Variants in OTOG observed in about 807,000 individuals in gnomAD.
OTOG encodes the protein otogelin.
Under a neutral mutation model 313.8 loss-of-function variants are expected in OTOG, and 296 were observed. That is an observed-to-expected ratio of 0.94 (90% CI 0.86 to 1.04). The LOEUF (loss-of-function observed/expected upper bound fraction) is 1.04, where lower values mean the gene tolerates loss of function less well. Ranked by LOEUF, OTOG falls within the 50% of genes least tolerant of loss-of-function variation. The pLI is 0.00. For missense variants in OTOG, 3,948 were observed against 3,840.1 expected (o/e 1.03, Z -0.74); for synonymous variants, 1,533 against 1,554.9 (o/e 0.99, Z 0.33).
Position 17,591,577 on chromosome 11 carries a change from C to G in OTOG, c.2995C>G (p.His999Asp). 6.4e-7 allele frequency: 1 copy of G among 1,550,634 alleles called. No homozygotes were observed. The highest frequency in any genetic ancestry group is 1.4e-5 in the African/African-American group (1 of 73,186). The change falls in exon 25 of 56, where the codon CAC becomes GAC. Residue 999 changes from histidine to aspartate, a missense_variant. By Grantham distance (81) the His-to-Asp change is moderately conservative (BLOSUM62 -1). Transcript: ENST00000399397. ...TGACTTCGTGGGGGCATGCAAAGTG[C>G]ACCTGGTCAAGGTGAGTTCCCGGAT... ...PFDFVGACKV[H>D]LVKSTSDVSF...
At chr11:17,609,255 T>C in intron 35 of OTOG, 46 bp downstream of exon 35, 1 of 1,502,670 alleles carries the variant, frequency 6.7e-7, no homozygotes, top group East Asian at 2.5e-5. Flanking sequence ...TTCCTCTAAG[T>C]CCCTAGGGTC....
Position 17,586,700 on chromosome 11 carries a change from G to A in OTOG, c.2867+119G>A, listed in dbSNP as rs776630831. ...CATTATGTTTGTATTCATGTTGTGC[G>A]TTTGTGTGTTGTGTGTGGTATAGGG... On this transcript the variant is annotated intron_variant, in intron 24 of 55. Coordinates refer to ENST00000399397, the MANE Select transcript of OTOG (RefSeq NM_001292063.2). 65 of 500,908 alleles carry A rather than the reference G, an allele frequency of 1.3e-4. 1 individual carries two copies. Among genetic ancestry groups the A allele is most frequent in the Middle Eastern group, 3.0e-4 (1 of 3,384 alleles). 31.0% of individuals were successfully genotyped at this position (500,908 alleles called of 1,614,324 possible).
Position 17,614,647 on chromosome 11 carries a change from G to C in OTOG, c.6528+946G>C, listed in dbSNP as rs578250139. ...CATTGCCCGCTGCCCCTATAGTTAT[G>C]CCTTTTCCAGAATGTCATATAAATT... On this transcript the variant is annotated intron_variant, in intron 39 of 55. Transcript: ENST00000399397. 5.3e-5 allele frequency among the ~76,000 whole-genome samples: 8 copies of C among 152,104 alleles called. No individual in the cohort carries two copies. The South Asian group carries it at 1.5e-3, about 28-fold the overall frequency.
intron 30 of OTOG, 119 bp downstream of exon 30, chr11:17,597,126 A>G (rs1853130857): frequency 2.3e-6 from 3 of 1,285,402 alleles, no homozygotes; most frequent in Non-Finnish European, 3.1e-6. Flanking sequence ...CCAAGCACCA[A>G]CTGCTTTGGG....
At position 17,560,834 on chromosome 11, in the gene OTOG, G is replaced by A. The variant is rs544885356; in HGVS notation, c.1451+17G>A. 151 of 1,536,176 alleles carry A rather than the reference G, an allele frequency of 9.8e-5. 2 individuals carry two copies. In the East Asian group the frequency reaches 1.2e-3, roughly 12 times the overall value. ...CAATACTTGGTCTGTGTCTGCTGCCGGGAAGCAGGGTGTGGGGCATGGCCG... is the reference window on the plus strand; with the variant it reads ...CAATACTTGGTCTGTGTCTGCTGCCAGGAAGCAGGGTGTGGGGCATGGCCG... On this transcript the variant is annotated intron_variant, in intron 13 of 55. Coordinates refer to ENST00000399397, the MANE Select transcript of OTOG (RefSeq NM_001292063.2).
rs1432849409 is a variant in OTOG, at chr11:17,610,514, C to T, written c.5214C>T (p.Ala1738=). 4 of 1,550,612 alleles carry T rather than the reference C, an allele frequency of 2.6e-6. 1 individual carries two copies. The highest frequency in any genetic ancestry group is 3.5e-6 in the Non-Finnish European group (4 of 1,146,974). Residue 1738 remains alanine (A), a synonymous_variant, in exon 36 of 56, where the codon GCC becomes GCT. Transcript: ENST00000399397. ...AGHSQPMGSP[A]SPQPHPLPSA... is the part of the protein sequence containing the mutation. Reference sequence around the variant, plus strand: ...ACAGCCAGCCCATGGGCTCGCCTGCCTCCCCACAGCCACACCCACTCCCCT... The same window carrying T: ...ACAGCCAGCCCATGGGCTCGCCTGCTTCCCCACAGCCACACCCACTCCCCT...
chr11:17,576,592 TC>T lies in OTOG; in HGVS notation c.2529del (p.Gly844GlufsTer18), dbSNP rs1316007041. 1 of 1,550,430 alleles carries T rather than the reference TC, an allele frequency of 6.4e-7. No homozygotes were observed. Among genetic ancestry groups the T allele is most frequent in the South Asian group, 1.2e-5 (1 of 84,046 alleles). On this transcript the variant is annotated frameshift_variant, in exon 21 of 56. Transcript: ENST00000399397. LOFTEE classifies it high-confidence loss of function. ...CSCHFQGVDY[P>X]PGDSDIPSLG... ...CCTGCCACTTCCAGGGAGTGGACTA[TC>T]CCCCCGGAGACAGTGACATCCCATC...
rs867901843 is a variant in OTOG at position 17,556,437 on chromosome 11, T to C, written c.659+540T>C. 4.6e-5 allele frequency among the ~76,000 whole-genome samples: 7 copies of C among 152,328 alleles called. 1 individual carries two copies. In the Middle Eastern group the frequency reaches 0.01, roughly 222 times the overall value. On this transcript the variant is annotated intron_variant, in intron 7 of 55. Coordinates refer to ENST00000399397, the MANE Select transcript of OTOG (RefSeq NM_001292063.2). ...ATCTCTTCCTCACTGTTCTTTCCTT[T>C]CCTTGCTGTCCACTGTCACTTCTTG... is the stretch of plus-strand genomic sequence containing the variant.
intron 28 of OTOG, among the ~76,000 whole-genome samples, chr11:17,594,781 T>C (rs897219124): frequency 1.3e-5 from 2 of 152,272 alleles, no homozygotes; most frequent in Admixed American, 6.5e-5. Context: ...GGGTCATCCA[T>C]TGACTTTCTG....
At position 17,566,132 on chromosome 11, in the gene OTOG, C is replaced by A. The variant is rs545398603; in HGVS notation, c.1645-3024C>A. On this transcript the variant is annotated intron_variant, in intron 15 of 55. Coordinates refer to ENST00000399397, the MANE Select transcript of OTOG (RefSeq NM_001292063.2). ...AATGTGGGTATTATCTGTGTTCCAG[C>A]ACCCCACTCCCCACAGATACCAAAA... Among the ~76,000 whole-genome samples, 108 of 152,204 alleles carry A rather than the reference C, an allele frequency of 7.1e-4. No homozygotes were observed. The South Asian group carries it at 0.016, about 23-fold the overall frequency.
rs755321990 is a variant in OTOG, at chr11:17,559,123, G to A, written c.1175G>A (p.Arg392Gln). The change falls in exon 11 of 56, where the codon CGG becomes CAG. Residue 392 changes from arginine (R) to glutamine (Q), a missense_variant. Coordinates refer to ENST00000399397, the MANE Select transcript of OTOG (RefSeq NM_001292063.2). ...EYARACAQAGRPLQGWRTQLR... is the reference protein window; with the variant it reads ...EYARACAQAGQPLQGWRTQLR... ...GCCCGGGCGTGTGCCCAGGCAGGGC[G>A]GCCCTTGCAAGGCTGGAGGACCCAG... 105 of 1,542,612 alleles carry A rather than the reference G, an allele frequency of 6.8e-5. No individual in the cohort carries two copies. Among genetic ancestry groups the A allele is most frequent in the Non-Finnish European group, 8.5e-5 (98 of 1,146,940 alleles).
At chr11:17,551,771 C>T (rs1851939433) in intron 3 of OTOG, among the ~76,000 whole-genome samples, 1 of 152,112 alleles carries the variant, frequency 6.6e-6, no homozygotes, top group South Asian at 2.1e-4. Context: ...AGAGATGCCA[C>T]TTGGGAAGGT....
intron 47 of OTOG, among the ~76,000 whole-genome samples, chr11:17,638,013 G>A (rs1263129424): frequency 1.3e-5 from 2 of 152,232 alleles, no homozygotes; most frequent in Non-Finnish European, 2.9e-5. Context: ...AGGAAGAAAG[G>A]AAGTGCGGGC....
chr11:17,626,984 C>T (rs967379654), intron 39 of OTOG, among the ~76,000 whole-genome samples: 1 of 152,176 alleles, frequency 6.6e-6, no homozygotes, highest in Admixed American at 6.5e-5. Context: ...TGCAACTTTA[C>T]TGAATTTTAA....
intron 42 of OTOG, 49 bp downstream of exon 42, chr11:17,632,275 C>G (rs547945920): frequency 6.6e-7 from 1 of 1,514,574 alleles, no homozygotes; most frequent in African/African-American, 1.4e-5. Flanking sequence ...TTGTTCCCAT[C>G]CCCTGTTAAA....
chr11:17,587,432 C>A (rs1302873802), intron 24 of OTOG, among the ~76,000 whole-genome samples: 1 of 152,132 alleles, frequency 6.6e-6, no homozygotes, highest in African/African-American at 2.4e-5. Flanking sequence ...TTTGGAGAAC[C>A]AGCTAGGGGT....
Position 17,570,407 on chromosome 11 carries a change from C to T in OTOG, c.1955+17C>T, listed in dbSNP as rs563436393. On this transcript the variant is annotated intron_variant, in intron 17 of 55. Coordinates refer to ENST00000399397, the MANE Select transcript of OTOG (RefSeq NM_001292063.2). ...TGACTTCCTGTACGTAGCCCTGCCA[C>T]GGAACCCGAAGAAGAGGGGAAATGG... 1.7e-5 allele frequency: 26 copies of T among 1,549,176 alleles called. No homozygotes were observed. Among genetic ancestry groups the T allele is most frequent in the South Asian group, 4.8e-5 (4 of 83,944 alleles).
Position 17,646,044 on chromosome 11 carries a change from G to A in OTOG, c.*100G>A. The A allele has an allele frequency of 1.6e-6, 2 of 1,252,658 alleles. No individual in the cohort carries two copies. Among genetic ancestry groups the A allele is most frequent in the Non-Finnish European group, 2.2e-6 (2 of 899,392 alleles). 77.6% of individuals were successfully genotyped at this position (1,252,658 alleles called of 1,614,324 possible). On this transcript the variant is annotated 3_prime_UTR_variant, in exon 56 of 56. Transcript: ENST00000399397. ...GGGGTATTAAAGGTGGTAGAAATCT[G>A]GCACGTGTTGAGCATGGAATGGTGG...
At chr11:17,547,510 G>C in intron 1 of OTOG, 44 bp downstream of exon 1, 1 of 1,319,688 alleles carries the variant, frequency 7.6e-7, no homozygotes, top group African/African-American at 1.5e-5. Flanking sequence ...CTCGAGGAAT[G>C]AGAAACGTTA....
Sources: allele counts gnomAD v4.1 joint callset (sites outside exome capture counted in the v4.1 genomes callset), GRCh38; gene constraint gnomAD v4.1.1; transcripts MANE v1.5; gene names NCBI Gene and HGNC (gene_info 2026-07-23, HGNC 2026-07-21).